The following CRACR2B variants were observed in gnomAD, a reference collection of about 807,000 sequenced individuals.
CRACR2B encodes the protein EF-hand calcium-binding domain-containing protein 4A.
CRACR2B carries 50 observed loss-of-function variants against 46.0 expected under a neutral mutation model. That is an observed-to-expected ratio of 1.09 (90% CI 0.87 to 1.38). CRACR2B has a LOEUF of 1.38. Ranked by LOEUF, CRACR2B falls within the 40% of genes most tolerant of loss-of-function variation. The probability of loss-of-function intolerance (pLI) is 0.00; values close to 1 mark genes in which losing one functional copy is unlikely to be tolerated. For synonymous variants in CRACR2B, 277 were observed against 239.6 expected (o/e 1.16, Z -1.44); for missense variants, 667 against 535.0 (o/e 1.25, Z -2.43).
In CRACR2B at chr11:828,920, T is replaced by C; in HGVS notation, c.234T>C (p.Ala78=). The C allele has an allele frequency of 6.2e-7, 1 of 1,607,204 alleles. No individual in the cohort carries two copies. The highest frequency in any genetic ancestry group is 8.5e-7 in the Non-Finnish European group (1 of 1,179,954). The change falls in exon 2 of 9, where the codon GCT becomes GCC. Residue 78 remains alanine, a synonymous_variant. Transcript: ENST00000525077. ...LEAVFESLDR[A]HTGFLTAREF... is the part of the protein sequence containing the mutation. The stretch of plus-strand genomic sequence containing the variant: ...CTGTGTTTGAAAGTCTGGACCGGGC[T>C]CACACTGGCTTCCTCACCGCCAGGG...
At position 828,410 on chromosome 11, in the gene CRACR2B, A is replaced by G; in HGVS notation, c.-198A>G. ...AGCCTACATCAACCACCCCAGTGAC[A>G]CCCCAAGCCTGCAGCATTTTCCACC... On this transcript the variant is annotated 5_prime_UTR_variant, in exon 1 of 9. Transcript: ENST00000525077. 1.7e-6 allele frequency: 1 copy of G among 605,482 alleles called. No homozygotes were observed. The highest frequency in any genetic ancestry group is 2.8e-6 in the Non-Finnish European group (1 of 361,950). 37.5% of individuals were successfully genotyped at this position (605,482 alleles called of 1,614,324 possible).
In CRACR2B at chr11:828,674, T is replaced by A; in HGVS notation, c.67T>A (p.Ser23Thr). 1 of 1,609,582 alleles carries A rather than the reference T, an allele frequency of 6.2e-7. No individual in the cohort carries two copies. The change falls in exon 1 of 9, where the codon TCT (serine) becomes ACT (threonine). Residue 23 changes from serine (S) to threonine (T), a missense_variant. Physicochemically the swap from Ser to Thr is moderately conservative, Grantham distance 58 (BLOSUM62 1). Transcript: ENST00000525077. ...QEEEGELEGGSAGPRAAILEQ... is the reference protein window; with the variant it reads ...QEEEGELEGGTAGPRAAILEQ... ...GGAGGAGGGGGAACTCGAGGGGGGCTCTGCAGGGCCGCGGGCTGCAATACT... is the reference window on the plus strand; with the variant it reads ...GGAGGAGGGGGAACTCGAGGGGGGCACTGCAGGGCCGCGGGCTGCAATACT...
rs1353825944 is a variant in CRACR2B at position 831,021 on chromosome 11, G to A, written c.942G>A (p.Glu314=). The change falls in exon 7 of 9, where the codon GAG becomes GAA. Residue 314 remains glutamate, a synonymous_variant. Transcript: ENST00000525077. The part of the protein sequence containing the change: ...RLESEARGRQ[E]QTQRDVVAVS... The stretch of plus-strand genomic sequence containing the variant: ...AGAGCGAAGCACGAGGCCGCCAGGA[G>A]CAAACCCAACGGTGCCGTGGGACGG... 2 of 1,534,508 alleles carry A rather than the reference G, an allele frequency of 1.3e-6. No homozygotes were observed. The highest frequency in any genetic ancestry group is 1.7e-6 in the Non-Finnish European group (2 of 1,146,618).
intron 3 of CRACR2B, 181 bp downstream of exon 3, chr11:829,721 T>G (rs1266794551): frequency 9.8e-6 from 10 of 1,025,218 alleles, no homozygotes; most frequent in Non-Finnish European, 1.4e-5. Flanking sequence ...GAATTTGCAT[T>G]TCATGAGGCA....
In CRACR2B at chr11:831,799, C is replaced by A; in HGVS notation, c.*90C>A. On this transcript the variant is annotated 3_prime_UTR_variant, in exon 9 of 9. Transcript: ENST00000525077. Reference sequence around the variant, plus strand: ...CGGGGGTGCCCACTCAGGATGCAGGCTCTCCCCAGTGGGCCCCAGGCTCGC... The same window carrying A: ...CGGGGGTGCCCACTCAGGATGCAGGATCTCCCCAGTGGGCCCCAGGCTCGC... 7.1e-7 allele frequency: 1 copy of A among 1,416,350 alleles called. No individual in the cohort carries two copies. 87.7% of individuals were successfully genotyped at this position (1,416,350 alleles called of 1,614,324 possible).
At chr11:827,005 C>G (rs1269707304), upstream of CRACR2B, among the ~76,000 whole-genome samples, 4 of 152,026 alleles carry the variant, frequency 2.6e-5, no homozygotes, top group Non-Finnish European at 4.4e-5. Flanking sequence ...TCTGCGCCCG[C>G]CCCCCGCAGC....
At chr11:829,283 C>T in intron 2 of CRACR2B, 77 bp from the exon 3 acceptor site, 2 of 1,517,192 alleles carry the variant, frequency 1.3e-6, no homozygotes, top group Non-Finnish European at 8.8e-7. Context: ...GGGCAGGATA[C>T]TCGTTGGGAG....
rs1286902165 is a variant in CRACR2B at position 828,852 on chromosome 11, G to C, written c.166G>C (p.Gly56Arg). 1.9e-6 allele frequency: 3 copies of C among 1,610,782 alleles called. No individual in the cohort carries two copies. Among genetic ancestry groups the C allele is most frequent in the Non-Finnish European group, 2.5e-6 (3 of 1,179,508 alleles). Reference sequence around the variant, plus strand: ...ATCTCTGCTCTCCTTCCCCGACCAGGGTCTCCAGAGCGACCTGCCCCTCAC... The same window carrying C: ...ATCTCTGCTCTCCTTCCCCGACCAGCGTCTCCAGAGCGACCTGCCCCTCAC... ...KGFITKHDLQGLQSDLPLTPE... is the reference protein window; with the variant it reads ...KGFITKHDLQRLQSDLPLTPE... Residue 56 changes from glycine to arginine, a missense_variant and splice_region_variant, in exon 2 of 9, where the codon GGT becomes CGT. Transcript: ENST00000525077.
chr11:827,725 C>G (rs558687877), upstream of CRACR2B: 5 of 168,616 alleles, frequency 3.0e-5, no homozygotes, highest in African/African-American at 1.2e-4. Flanking sequence ...CATGGAAGGA[C>G]GCTGGGTGGA....
chr11:829,599 T>G, intron 3 of CRACR2B, 59 bp downstream of exon 3: 2 of 1,446,472 alleles, frequency 1.4e-6, no homozygotes, highest in Non-Finnish European at 1.8e-6. Flanking sequence ...GCCTGCATGC[T>G]GTCTGCCCTT....
chr11:831,243 A>C lies in CRACR2B; in HGVS notation c.973A>C (p.Arg325=). The C allele has an allele frequency of 6.2e-7, 1 of 1,610,802 alleles. No homozygotes were observed. Among genetic ancestry groups the C allele is most frequent in the Non-Finnish European group, 8.5e-7 (1 of 1,179,350 alleles). Residue 325 remains arginine (R), a synonymous_variant, in exon 8 of 9, where the codon AGG becomes CGG. Transcript: ENST00000525077. ...CCACAGAGACGTGGTCGCCGTCTCC[A>C]GGAACATGCAGAAAGAGAAAGTCAG... ...QTQRDVVAVS[R]NMQKEKVSLL...
intron 3 of CRACR2B, 74 bp downstream of exon 3, chr11:829,614 CCCG>C: frequency 9.1e-6 from 13 of 1,422,214 alleles, no homozygotes; most frequent in Non-Finnish European, 1.1e-5. Context: ...GCCCTTGTCA[CCCG>C]AGTGCTGGTT....
At chr11:827,717 T>C (rs1846012421), upstream of CRACR2B, 1 of 174,148 alleles carries the variant, frequency 5.7e-6, no homozygotes, top group Non-Finnish European at 1.1e-5. Flanking sequence ...CTAAGGAACA[T>C]GGAAGGACGC....
rs968166807 is a variant in CRACR2B, at chr11:831,031, C to A, written c.952C>A (p.Arg318=). The change falls in exon 7 of 9, where the codon CGA becomes AGA. Residue 318 remains arginine, a splice_region_variant and synonymous_variant. Transcript: ENST00000525077. ...EARGRQEQTQ[R]DVVAVSRNMQ... is the part of the protein sequence containing the mutation. ...ACGAGGCCGCCAGGAGCAAACCCAA[C>A]GGTGCCGTGGGACGGGGCTGGGCGG... The A allele has an allele frequency of 3.3e-6, 5 of 1,534,966 alleles. No homozygotes were observed. The East Asian group carries it at 1.2e-4, about 38-fold the overall frequency.
upstream of CRACR2B, among the ~76,000 whole-genome samples, chr11:826,530 C>T (rs752496011): frequency 6.6e-6 from 1 of 152,220 alleles, no homozygotes; most frequent in Non-Finnish European, 1.5e-5. Context: ...TAGCATTACA[C>T]GTTCATTGTT....
upstream of CRACR2B, chr11:827,424 A>G (rs1424175770): frequency 8.6e-5 from 41 of 478,838 alleles, no homozygotes; most frequent in Non-Finnish European, 1.1e-4. Context: ...TCGGTCGGGA[A>G]CTCCGGTTAC....
rs1400741524 is a variant in CRACR2B at position 830,066 on chromosome 11, TAC to T, written c.540_541del (p.Ile180MetfsTer171). 4 of 1,555,230 alleles carry T rather than the reference TAC, an allele frequency of 2.6e-6. No individual in the cohort carries two copies. The African/African-American group carries it at 5.4e-5, about 21-fold the overall frequency. The stretch of plus-strand genomic sequence containing the variant: ...CTGGGCTCTTTCGAGGATGTTCTGA[TAC>T]GCGCGTCGGCCTGCCTGGAGGAGGC... On this transcript the variant is annotated frameshift_variant, in exon 4 of 9. Coordinates refer to ENST00000525077, the MANE Select transcript of CRACR2B (RefSeq NM_001286606.2). LOFTEE classifies it high-confidence loss of function.
chr11:830,701 G>A lies in CRACR2B; in HGVS notation c.774G>A (p.Leu258=), dbSNP rs1212911819. Residue 258 remains leucine, a synonymous_variant, in exon 6 of 9, where the codon CTG becomes CTA. Transcript: ENST00000525077. Reference sequence around the variant, plus strand: ...AGCAGGACCTGGAACGCGCGGGCCTGCGGCAGCGGGAGGTGAGCACCCGGC... The same window carrying A: ...AGCAGGACCTGGAACGCGCGGGCCTACGGCAGCGGGAGGTGAGCACCCGGC... The part of the protein sequence containing the change: ...SREQDLERAG[L]RQRELEQQLH... 24 of 1,536,960 alleles carry A rather than the reference G, an allele frequency of 1.6e-5. No individual in the cohort carries two copies. The highest frequency in any genetic ancestry group is 2.0e-5 in the Admixed American group (1 of 50,542).
rs1320977262 is a variant in CRACR2B, at chr11:827,927, G to A, written c.-681G>A. Reference sequence around the variant, plus strand: ...AAACGGGGAAGGGCCTCAGTGTTGTGGGGCAAGGGTGTTAGGTCTCGAATC... The same window carrying A: ...AAACGGGGAAGGGCCTCAGTGTTGTAGGGCAAGGGTGTTAGGTCTCGAATC... On this transcript the variant is annotated 5_prime_UTR_variant, in exon 1 of 9. Transcript: ENST00000525077. Among the ~76,000 whole-genome samples, 2 of 152,230 alleles carry A rather than the reference G, an allele frequency of 1.3e-5. No homozygotes were observed. The highest frequency in any genetic ancestry group is 1.5e-5 in the Non-Finnish European group (1 of 68,034).
Sources: gnomAD v4.1 joint callset for allele counts (sites outside exome capture counted in the v4.1 genomes callset) on GRCh38, gnomAD v4.1.1 for gene constraint, MANE v1.5 for transcripts, NCBI Gene and HGNC (gene_info 2026-07-23, HGNC 2026-07-21) for gene names.